Variants in HIP1 observed in about 807,000 individuals in gnomAD.
The protein encoded by HIP1 is huntingtin-interacting protein 1.
In HIP1, 65 loss-of-function variants were observed where a neutral mutation model predicts 147.6. The ratio of observed to expected loss-of-function variants is 0.44; its 90% CI spans 0.36 to 0.54. HIP1 has a LOEUF of 0.54. Among genes scored for constraint, HIP1 ranks in the 20% least tolerant of loss-of-function variants. HIP1 has a pLI of 0.00. For synonymous variants in HIP1, 479 were observed against 504.0 expected, an observed-to-expected ratio of 0.95 and a Z score of 0.67; for missense variants, 1,061 against 1,299.6, an observed-to-expected ratio of 0.82 and a Z score of 2.82.
chr7:75,724,528 G>A (rs1298089286), intron 1 of HIP1, among the ~76,000 whole-genome samples: 1 of 151,880 alleles, frequency 6.6e-6, no homozygotes, highest in Non-Finnish European at 1.5e-5. Context: ...GATTACAGAT[G>A]TGAGCCACTG....
intron 19 of HIP1, among the ~76,000 whole-genome samples, chr7:75,555,194 G>GT (rs1794945961): frequency 2.2e-4 from 12 of 54,298 alleles, no homozygotes; most frequent in Non-Finnish European, 4.1e-4. Flanking sequence ...AAGCGGGGGG[G>GT]CGGGGGGGGG....
chr7:75,618,186 C>T (rs1167837121), intron 1 of HIP1, among the ~76,000 whole-genome samples: 1 of 152,162 alleles, frequency 6.6e-6, no homozygotes, highest in Non-Finnish European at 1.5e-5. Context: ...GTTTCACTGT[C>T]ACCCAGGCTG....
intron 1 of HIP1, among the ~76,000 whole-genome samples, chr7:75,664,296 G>A (rs1414432678): frequency 1.3e-5 from 1 of 76,044 alleles, no homozygotes; most frequent in Admixed American, 1.1e-4. Context: ...ATATATGTAT[G>A]TATATATGTA....
intron 1 of HIP1, among the ~76,000 whole-genome samples, chr7:75,602,349 T>C (rs1237623620): frequency 6.9e-6 from 1 of 144,948 alleles, no homozygotes; most frequent in Non-Finnish European, 1.5e-5. Flanking sequence ...AGATAGGGTT[T>C]CGCTGTCTTG....
At chr7:75,714,001 CTT>C (rs58935776) in intron 1 of HIP1, among the ~76,000 whole-genome samples, 11 of 148,368 alleles carry the variant, frequency 7.4e-5, no homozygotes, top group South Asian at 4.3e-4. Context: ...TGCCCAGCCT[CTT>C]TTTTTTTTTA....
At chr7:75,615,159 G>A (rs587760320) in intron 1 of HIP1, among the ~76,000 whole-genome samples, 168 of 152,236 alleles carry the variant, frequency 1.1e-3, no homozygotes, top group Non-Finnish European at 1.1e-3. Flanking sequence ...AACCACAAGA[G>A]GGCCTTTCAC....
At chr7:75,570,314 C>T (rs1277072760) in intron 8 of HIP1, among the ~76,000 whole-genome samples, 7 of 142,982 alleles carry the variant, frequency 4.9e-5, no homozygotes, top group African/African-American at 1.0e-4. Context: ...TTTTTCGAGA[C>T]GATGTCTCGC....
intron 5 of HIP1, among the ~76,000 whole-genome samples, chr7:75,583,756 T>TTG (rs60640180): frequency 0.066 from 7,578 of 115,400 alleles, 253 homozygotes; most frequent in East Asian, 0.083. Context: ...GCGGGCTAAT[T>TTG]TGTGTGTGTG....
intron 1 of HIP1, among the ~76,000 whole-genome samples, chr7:75,610,166 G>C (rs1797379415): frequency 6.7e-6 from 1 of 149,340 alleles, no homozygotes; most frequent in African/African-American, 2.5e-5. Context: ...GTTTCCCAAA[G>C]TGCTGGGATT....
chr7:75,604,679 AGAAGGAAGGAAG>A (rs587773413), intron 1 of HIP1, among the ~76,000 whole-genome samples: 39 of 142,880 alleles, frequency 2.7e-4, no homozygotes, highest in Middle Eastern at 3.5e-3. Context: ...AAAAGAAGGA[AGAAGGAAGGAAG>A]GAAGGAAGGG....
At chr7:75,698,999 G>A (rs375582306) in intron 1 of HIP1, among the ~76,000 whole-genome samples, 2 of 152,070 alleles carry the variant, frequency 1.3e-5, no homozygotes, top group East Asian at 3.9e-4. Flanking sequence ...AGGAGTGGAA[G>A]GGACGCCTTT....
At chr7:75,636,635 C>G (rs367803391) in intron 1 of HIP1, among the ~76,000 whole-genome samples, 2 of 152,208 alleles carry the variant, frequency 1.3e-5, no homozygotes, top group Non-Finnish European at 2.9e-5. Flanking sequence ...GCTACACAGG[C>G]ACAGGTCTGT....
intron 1 of HIP1, among the ~76,000 whole-genome samples, chr7:75,705,360 C>T (rs1162575279): frequency 2.0e-5 from 3 of 151,624 alleles, no homozygotes; most frequent in Non-Finnish European, 4.4e-5. Context: ...AGGATCTCTA[C>T]CTTTTTTTTT....
chr7:75,638,606 C>T (rs1301642142), intron 1 of HIP1, among the ~76,000 whole-genome samples: 1 of 152,198 alleles, frequency 6.6e-6, no homozygotes, highest in African/African-American at 2.4e-5. Context: ...CCTGGCTTCT[C>T]ACTGTCCTCC....
intron 1 of HIP1, among the ~76,000 whole-genome samples, chr7:75,603,285 G>A (rs947708050): frequency 6.6e-6 from 1 of 150,630 alleles, no homozygotes; most frequent in Non-Finnish European, 1.5e-5. Flanking sequence ...GAGGTTGAGA[G>A]TGCAGTAAGC....
chr7:75,718,483 G>A (rs1801389911), intron 1 of HIP1, among the ~76,000 whole-genome samples: 1 of 152,168 alleles, frequency 6.6e-6, no homozygotes, highest in African/African-American at 2.4e-5. Flanking sequence ...TAACTATTCG[G>A]TTCTGGTAAC....
intron 29 of HIP1, among the ~76,000 whole-genome samples, chr7:75,541,518 A>C (rs1312995684): frequency 6.7e-6 from 1 of 150,246 alleles, no homozygotes; most frequent in Non-Finnish European, 1.5e-5. Flanking sequence ...GCGACAGAGC[A>C]AGACTCCGTC....
In HIP1 at chr7:75,647,631, C is replaced by T. The variant is rs182293930; in HGVS notation, c.121-48384G>A. Among the ~76,000 whole-genome samples the T allele has an allele frequency of 8.5e-5, 13 of 152,344 alleles. No individual in the cohort carries two copies. The East Asian group carries it at 2.3e-3, about 27-fold the overall frequency. ...TTTCAAATAAAGAGAAACCAAAGTT[C>T]TCCCGGAGCTCTCAGGCAATTCACC... is the stretch of plus-strand genomic sequence containing the variant. On this transcript the variant is annotated intron_variant, in intron 1 of 30. Transcript: ENST00000336926.
intron 1 of HIP1, among the ~76,000 whole-genome samples, chr7:75,667,138 GA>G (rs1305119470): frequency 4.0e-5 from 6 of 151,826 alleles, no homozygotes; most frequent in Non-Finnish European, 7.4e-5. Flanking sequence ...TAATTAACAG[GA>G]AAAAAATGTT....
Sources: gnomAD v4.1 joint callset for allele counts (sites outside exome capture counted in the v4.1 genomes callset) on GRCh38, gnomAD v4.1.1 for gene constraint, MANE v1.5 for transcripts, NCBI Gene and HGNC (gene_info 2026-07-23, HGNC 2026-07-21) for gene names.